Variants in DNMT3A observed in about 807,000 individuals in gnomAD.
DNMT3A encodes the protein DNA methyltransferase 3 alpha.
Under a neutral mutation model 117.6 loss-of-function variants are expected in DNMT3A, and 267 were observed. The observed-to-expected ratio is 2.27, with a 90% CI of 2.05 to 2.51. DNMT3A has a LOEUF of 2.51. DNMT3A is among the 30% of genes most tolerant of loss of function. The pLI is 0.00. For missense variants in DNMT3A, 1,029 were observed against 1,260.2 expected (o/e 0.82, Z 2.78); for synonymous variants, 432 against 474.8 (o/e 0.91, Z 1.17).
Position 25,252,450 on chromosome 2 carries a change from C to T in DNMT3A, c.640-4198G>A. The T allele has an allele frequency of 2.5e-6, 1 of 407,110 alleles. No individual in the cohort carries two copies. The highest frequency in any genetic ancestry group is 4.4e-6 in the Non-Finnish European group (1 of 229,142). The allele number at this position is 407,110 out of a possible 1,614,324, so 25.2% of individuals were successfully genotyped here. A position where few individuals can be genotyped will look rare whatever the true frequency, so the allele number is the denominator to read the frequency against. ...CCCGGGGAGGGGGCCGGCGCTCCGA[C>T]GCTGGCGCTGGGCCAGCCCCTCTTC... is the stretch of plus-strand genomic sequence containing the variant. On this transcript the variant is annotated intron_variant, in intron 6 of 22. Transcript: ENST00000321117. This position sits in a 1 kb window ranked among gnomAD's most constrained non-coding sequence, Gnocchi z 5.5.
chr2:25,301,410 C>T (rs542922044), intron 2 of DNMT3A, among the ~76,000 whole-genome samples: 5 of 152,310 alleles, frequency 3.3e-5, no homozygotes, highest in Admixed American at 1.3e-4. Flanking sequence ...GGAGCTGGCA[C>T]CGCGCATGCC....
intron 9 of DNMT3A, 133 bp downstream of exon 9, chr2:25,246,918 G>C: frequency 6.8e-7 from 1 of 1,472,196 alleles, no homozygotes; most frequent in Non-Finnish European, 9.3e-7. Context: ...ATGTGCATAC[G>C]GGCGAGCGAG....
At position 25,247,951 on chromosome 2, in the gene DNMT3A, A is replaced by G; in HGVS notation, c.855+86T>C. 8 of 1,583,050 alleles carry G rather than the reference A, an allele frequency of 5.1e-6. No individual in the cohort carries two copies. The highest frequency in any genetic ancestry group is 6.9e-6 in the Non-Finnish European group (8 of 1,163,600). On this transcript the variant is annotated intron_variant, in intron 7 of 22. Transcript: ENST00000321117. The surrounding 1 kb of genome is among the most constrained non-coding windows in gnomAD (Gnocchi z 5.6). ...GGAGAGAGCGAGCGGCCCGTGGGAGATGGAGAGAGGAGAGCAGGACGGGAG... is the reference window on the plus strand; with the variant it reads ...GGAGAGAGCGAGCGGCCCGTGGGAGGTGGAGAGAGGAGAGCAGGACGGGAG...
At position 25,247,915 on chromosome 2, in the gene DNMT3A, CG is replaced by C; in HGVS notation, c.855+121del. The C allele has an allele frequency of 6.6e-7, 1 of 1,520,360 alleles. No homozygotes were observed. 94.2% of individuals were successfully genotyped at this position (1,520,360 alleles called of 1,614,324 possible). On this transcript the variant is annotated intron_variant, in intron 7 of 22. Transcript: ENST00000321117. This position sits in a 1 kb window ranked among gnomAD's most constrained non-coding sequence, Gnocchi z 5.6. The stretch of plus-strand genomic sequence containing the variant: ...GCAAAATCGGGGAGACGAAGAGGCC[CG>C]GGGTCAGGTGGAGAGAGCGAGCGGC...
At chr2:25,245,413 G>T in intron 12 of DNMT3A, 81 bp from the exon 13 acceptor site, 1 of 1,348,426 alleles carries the variant, frequency 7.4e-7, no homozygotes, top group Non-Finnish European at 1.0e-6. Flanking sequence ...CACCAGACCA[G>T]CCACAAAAAA....
At position 25,266,167 on chromosome 2, in the gene DNMT3A, G is replaced by A. The variant is rs575894559; in HGVS notation, c.639+8774C>T. Among the ~76,000 whole-genome samples, 15 of 152,294 alleles carry A rather than the reference G, an allele frequency of 9.8e-5. No homozygotes were observed. In the South Asian group the frequency reaches 1.2e-3, roughly 13 times the overall value. ...TAGCCTATGGTAAAGGCCAGCCCTC[G>A]AAGTCACTACTGCTTACAGGCTGTC... is the stretch of plus-strand genomic sequence containing the variant. On this transcript the variant is annotated intron_variant, in intron 6 of 22. Coordinates refer to ENST00000321117, the MANE Select transcript of DNMT3A (RefSeq NM_022552.5).
chr2:25,320,921 C>T (rs144330177), intron 1 of DNMT3A, among the ~76,000 whole-genome samples: 3 of 152,226 alleles, frequency 2.0e-5, no homozygotes, highest in African/African-American at 4.8e-5. Context: ...CACCTGAGGT[C>T]GGAAGTTCAA....
At chr2:25,318,798 T>G (rs540229144) in intron 1 of DNMT3A, among the ~76,000 whole-genome samples, 6 of 146,910 alleles carry the variant, frequency 4.1e-5, no homozygotes, top group African/African-American at 1.5e-4. Flanking sequence ...CAGGGGTTCA[T>G]GCCATTCTCC....
intron 6 of DNMT3A, among the ~76,000 whole-genome samples, chr2:25,264,360 G>A (rs886889919): frequency 1.3e-5 from 2 of 151,866 alleles, no homozygotes; most frequent in Admixed American, 6.6e-5. Context: ...GACTGGTCTC[G>A]AATTCCTGGC....
chr2:25,284,051 TG>T (rs2032094734), intron 3 of DNMT3A, among the ~76,000 whole-genome samples: 1 of 152,188 alleles, frequency 6.6e-6, no homozygotes, highest in Admixed American at 6.5e-5. Flanking sequence ...TCAAGAAGAA[TG>T]GAGGTGTCCA....
chr2:25,301,483 C>T (rs2033512270), intron 2 of DNMT3A, among the ~76,000 whole-genome samples: 3 of 152,142 alleles, frequency 2.0e-5, no homozygotes, highest in South Asian at 2.1e-4. Flanking sequence ...TTGCATTCAC[C>T]GAGTTTGGAA....
upstream of DNMT3A, among the ~76,000 whole-genome samples, chr2:25,342,186 C>G (rs2035490803): frequency 6.9e-6 from 1 of 145,626 alleles, no homozygotes; most frequent in Non-Finnish European, 1.5e-5. This position sits in a 1 kb window ranked among gnomAD's most constrained non-coding sequence, Gnocchi z 5.9. Flanking sequence ...CCCGGGGCGC[C>G]GCGGCGGGAG....
At chr2:25,331,550 C>A (rs1573508635) in intron 1 of DNMT3A, among the ~76,000 whole-genome samples, 1 of 152,328 alleles carries the variant, frequency 6.6e-6, no homozygotes, top group East Asian at 1.9e-4. Context: ...ATGCTCGCCG[C>A]AGGTCCTGGG....
In DNMT3A at chr2:25,240,315, G is replaced by A. The variant is rs758845779; in HGVS notation, c.2309C>T (p.Ser770Leu). 1.7e-5 allele frequency: 28 copies of A among 1,614,054 alleles called. No homozygotes were observed. The highest frequency in any genetic ancestry group is 4.5e-5 in the East Asian group (2 of 44,876). ...TGCTGGCTATACCTCGAGAAATCGC[G>A]AGATGTCCCTCTTGTCACTAACGCC... ...AMGVSDKRDI[S>L]RFLESNPVMI... The change falls in exon 19 of 23, where the codon TCG (serine) becomes TTG (leucine). Residue 770 changes from serine to leucine, a missense_variant. By Grantham distance (145) the Ser-to-Leu change is moderately radical. Coordinates refer to ENST00000321117, the MANE Select transcript of DNMT3A (RefSeq NM_022552.5).
chr2:25,246,544 A>G, intron 10 of DNMT3A, 76 bp downstream of exon 10: 1 of 1,548,222 alleles, frequency 6.5e-7, no homozygotes, highest in Non-Finnish European at 8.7e-7. Context: ...AGCCCTCCCT[A>G]AGCATGGCTT....
At chr2:25,300,722 T>C (rs1385611423) in intron 2 of DNMT3A, among the ~76,000 whole-genome samples, 45 of 13,998 alleles carry the variant, frequency 3.2e-3, no homozygotes, top group Middle Eastern at 0.022. Flanking sequence ...AATATATATA[T>C]ATATATATAT....
At chr2:25,241,513 G>A (rs1239881039) in intron 17 of DNMT3A, 49 bp downstream of exon 17, 1 of 1,571,976 alleles carries the variant, frequency 6.4e-7, no homozygotes, top group Non-Finnish European at 8.6e-7. Flanking sequence ...TCCAGGTGCT[G>A]AGTGTGCAGG....
intron 3 of DNMT3A, among the ~76,000 whole-genome samples, chr2:25,287,853 A>G (rs2032431081): frequency 6.7e-6 from 1 of 149,748 alleles, no homozygotes; most frequent in South Asian, 2.1e-4. Context: ...TTTTTTTTTG[A>G]GATGGAGTTT....
intron 4 of DNMT3A, among the ~76,000 whole-genome samples, chr2:25,280,663 T>A (rs2031826066): frequency 1.3e-5 from 2 of 152,218 alleles, no homozygotes; most frequent in African/African-American, 4.8e-5. Flanking sequence ...TTAATGTCTG[T>A]CTCTCCAGCT....
Sources: allele counts gnomAD v4.1 joint callset (sites outside exome capture counted in the v4.1 genomes callset), GRCh38; gene constraint gnomAD v4.1.1; non-coding constraint Gnocchi (gnomAD v3.1); transcripts MANE v1.5; gene names NCBI Gene and HGNC (gene_info 2026-07-23, HGNC 2026-07-21).